KLHDC2: variants seen among roughly 807,000 people sequenced by gnomAD.
KLHDC2 encodes the protein kelch domain-containing protein 2.
In KLHDC2, 38 loss-of-function variants were observed where a neutral mutation model predicts 62.3. That is an observed-to-expected ratio of 0.61 (90% CI 0.47 to 0.80). The LOEUF (loss-of-function observed/expected upper bound fraction) is 0.80. KLHDC2 is among the 30% of genes least tolerant of loss of function. The probability of loss-of-function intolerance (pLI) is 0.00; values close to 1 mark genes in which losing one functional copy is unlikely to be tolerated. For synonymous variants in KLHDC2, 159 were observed against 161.0 expected (o/e 0.99, Z 0.09); for missense variants, 430 against 495.3 (o/e 0.87, Z 1.25).
chr14:49,785,311 A>ATTGT lies in KLHDC2; in HGVS notation c.*2359_*2360insTGTT. On this transcript the variant is annotated 3_prime_UTR_variant, in exon 13 of 13. Coordinates refer to ENST00000298307, the MANE Select transcript of KLHDC2 (RefSeq NM_014315.3). Reference sequence around the variant, plus strand: ...TGTGGCTGGCCTGTCAAAGAATCAAATAGGTTTTCCTAAAAAGGGAAAATA... The same window carrying ATTGT: ...TGTGGCTGGCCTGTCAAAGAATCAAATTGTTAGGTTTTCCTAAAAAGGGAAAATA... The ATTGT allele has an allele frequency of 1.2e-6, 2 of 1,613,538 alleles. No individual in the cohort carries two copies. The highest frequency in any genetic ancestry group is 1.7e-6 in the Non-Finnish European group (2 of 1,179,508).
At chr14:49,778,640 T>C (rs1889821881) in intron 6 of KLHDC2, 146 bp downstream of exon 6, 1 of 575,632 alleles carries the variant, frequency 1.7e-6, no homozygotes, top group Admixed American at 3.5e-5. Flanking sequence ...TCCATAACTT[T>C]AATGATTTCC....
At position 49,780,726 on chromosome 14, in the gene KLHDC2, A is replaced by T; in HGVS notation, c.907A>T (p.Ser303Cys). 4 of 1,609,358 alleles carry T rather than the reference A, an allele frequency of 2.5e-6. No homozygotes were observed. Among genetic ancestry groups the T allele is most frequent in the Non-Finnish European group, 3.4e-6 (4 of 1,175,660 alleles). ...AGGTGATGCCTGGACTTACTGCATC[A>T]GTAAAAATGAATGGATACAATTTAA... Reference protein sequence around the residue: ...PLSDAWTYCISKNEWIQFNHP... With the variant: ...PLSDAWTYCICKNEWIQFNHP... The change falls in exon 10 of 13, where the codon AGT (serine) becomes TGT (cysteine). Residue 303 changes from serine to cysteine, a missense_variant. Transcript: ENST00000298307.
chr14:49,768,725 G>C lies in KLHDC2; in HGVS notation c.153+104G>C, dbSNP rs182332158. Reference sequence around the variant, plus strand: ...GAGCGGGCCGCCGAGGGCGCTCCCCGCCTGCGTCGCGCGCCCCACCTCAGA... The same window carrying C: ...GAGCGGGCCGCCGAGGGCGCTCCCCCCCTGCGTCGCGCGCCCCACCTCAGA... On this transcript the variant is annotated intron_variant, in intron 1 of 12. Transcript: ENST00000298307. The C allele has an allele frequency of 6.2e-3, 6,850 of 1,111,194 alleles. 61 individuals are homozygous for C. Among genetic ancestry groups the C allele is most frequent in the South Asian group, 0.027 (1,560 of 57,616 alleles). The allele number at this position is 1,111,194 out of a possible 1,614,324, so 68.8% of individuals were successfully genotyped here.
At chr14:49,782,321 C>A in intron 10 of KLHDC2, 49 bp from the exon 11 acceptor site, 3 of 1,270,016 alleles carry the variant, frequency 2.4e-6, no homozygotes, top group South Asian at 2.5e-5. Flanking sequence ...TATAAAATGG[C>A]CAACTGGTGT....
In KLHDC2 at chr14:49,774,550, T is replaced by A. The variant is rs758679322; in HGVS notation, c.234-11T>A. On this transcript the variant is annotated splice_polypyrimidine_tract_variant and intron_variant, in intron 2 of 12. Transcript: ENST00000298307. ...CTTTAACTTACATACATTTAATTTA[T>A]TCCCCCTCAGGAAAAAAATCAACAC... 1.9e-6 allele frequency: 3 copies of A among 1,546,798 alleles called. No homozygotes were observed. In the African/African-American group the frequency reaches 4.1e-5, roughly 21 times the overall value.
At chr14:49,774,936 A>G (rs1161320773) in intron 3 of KLHDC2, 3 of 426,656 alleles carry the variant, frequency 7.0e-6, no homozygotes, top group East Asian at 4.5e-5. Context: ...TTTTGCAGCT[A>G]CTTGTTCTCT....
chr14:49,768,267 G>T lies in KLHDC2; in HGVS notation c.-202G>T, dbSNP rs943473575. ...GCTCGCGGCCCCTCTGTCTGCAGGC[G>T]TGCCCCGGCGGCGGCGGAGAGCCGT... is the stretch of plus-strand genomic sequence containing the variant. On this transcript the variant is annotated 5_prime_UTR_variant, in exon 1 of 13. Transcript: ENST00000298307. 2.1e-5 allele frequency: 11 copies of T among 518,496 alleles called. No homozygotes were observed. The highest frequency in any genetic ancestry group is 3.3e-5 in the Non-Finnish European group (10 of 305,186). 32.1% of individuals were successfully genotyped at this position (518,496 alleles called of 1,614,324 possible). A position where few individuals can be genotyped will look rare whatever the true frequency, so the allele number is the denominator to read the frequency against.
intron 1 of KLHDC2, chr14:49,768,845 AC>A (rs1373798101): frequency 2.0e-6 from 1 of 491,274 alleles, no homozygotes; most frequent in African/African-American, 2.1e-5. Flanking sequence ...CTGTCATGTC[AC>A]CCTGGTGCTC....
In KLHDC2 at chr14:49,771,667, G is replaced by A; in HGVS notation, c.227G>A (p.Gly76Glu). 6.8e-7 allele frequency: 1 copy of A among 1,481,044 alleles called. No homozygotes were observed. The highest frequency in any genetic ancestry group is 1.7e-4 in the Middle Eastern group (1 of 5,844). The allele number at this position is 1,481,044 out of a possible 1,614,324, so 91.7% of individuals were successfully genotyped here. A position where few individuals can be genotyped will look rare whatever the true frequency, so the allele number is the denominator to read the frequency against. ...CTATGGATCTACAACATGGAGACTG[G>A]AAGATGGTAAATGTGGATATTATAA... ...EELWIYNMET[G>E]RWKKINTEGD... is the part of the protein sequence containing the mutation. The change falls in exon 2 of 13, where the codon GGA becomes GAA. Residue 76 changes from glycine (G) to glutamate (E), a missense_variant. By Grantham distance (98) the Gly-to-Glu change is moderately conservative. Coordinates refer to ENST00000298307, the MANE Select transcript of KLHDC2 (RefSeq NM_014315.3).
intron 6 of KLHDC2, 61 bp downstream of exon 6, chr14:49,778,555 G>GGGGGT: frequency 3.0e-6 from 1 of 330,182 alleles, no homozygotes. Flanking sequence ...GAGGGGTGGG[G>GGGGGT]TAGGGGAGAG....
chr14:49,770,480 C>T (rs1889639922), intron 1 of KLHDC2, among the ~76,000 whole-genome samples: 1 of 152,160 alleles, frequency 6.6e-6, no homozygotes, highest in Non-Finnish European at 1.5e-5. Context: ...AATATTCAAG[C>T]TTGCTGGACT....
At chr14:49,779,239 T>TTG (rs1419128939) in intron 6 of KLHDC2, among the ~76,000 whole-genome samples, 16 of 152,214 alleles carry the variant, frequency 1.1e-4, no homozygotes. Context: ...AACTCTGCAC[T>TTG]ATACTGCAAT....
At chr14:49,774,276 A>G (rs958213535) in intron 2 of KLHDC2, among the ~76,000 whole-genome samples, 1 of 152,252 alleles carries the variant, frequency 6.6e-6, no homozygotes, top group Non-Finnish European at 1.5e-5. Context: ...TAGTCTGAGA[A>G]ACATAAAATG....
rs1240400133 is a variant in KLHDC2, at chr14:49,784,524, T to C, written c.*1571T>C. On this transcript the variant is annotated 3_prime_UTR_variant, in exon 13 of 13. Coordinates refer to ENST00000298307, the MANE Select transcript of KLHDC2 (RefSeq NM_014315.3). The stretch of plus-strand genomic sequence containing the variant: ...CCTTTTGGTGAATATAGCAAGGCAA[T>C]GTTTAGTTCATTTTTATAATGCGGA... 3 of 715,898 alleles carry C rather than the reference T, an allele frequency of 4.2e-6. No individual in the cohort carries two copies. The highest frequency in any genetic ancestry group is 3.6e-5 in the African/African-American group (2 of 56,206). 44.3% of individuals were successfully genotyped at this position (715,898 alleles called of 1,614,324 possible).
chr14:49,785,155 G>A lies in KLHDC2; in HGVS notation c.*2202G>A. The A allele has an allele frequency of 1.3e-6, 2 of 1,599,358 alleles. No individual in the cohort carries two copies. The highest frequency in any genetic ancestry group is 4.5e-5 in the East Asian group (2 of 44,780). ...TTATATCTTTAAAAAGGAATTACAT[G>A]TGTTACTAAATAGACGTTACAAAAC... is the stretch of plus-strand genomic sequence containing the variant. On this transcript the variant is annotated 3_prime_UTR_variant, in exon 13 of 13. Transcript: ENST00000298307.
At position 49,778,505 on chromosome 14, in the gene KLHDC2, A is replaced by T. The variant is rs777306124; in HGVS notation, c.633+11A>T. The T allele has an allele frequency of 7.3e-7, 1 of 1,367,292 alleles. No homozygotes were observed. The highest frequency in any genetic ancestry group is 1.0e-6 in the Non-Finnish European group (1 of 964,744). 84.7% of individuals were successfully genotyped at this position (1,367,292 alleles called of 1,614,324 possible). On this transcript the variant is annotated intron_variant, in intron 6 of 12. Coordinates refer to ENST00000298307, the MANE Select transcript of KLHDC2 (RefSeq NM_014315.3). ...CAGCCTATAACTACTGTGAGTTACTAAAGAATAATGAATTGTTAAGGATAC... is the reference window on the plus strand; with the variant it reads ...CAGCCTATAACTACTGTGAGTTACTTAAGAATAATGAATTGTTAAGGATAC...
rs1308098982 is a variant in KLHDC2 at position 49,779,590 on chromosome 14, A to G, written c.634-5A>G. The G allele has an allele frequency of 6.2e-7, 1 of 1,612,820 alleles. No homozygotes were observed. The highest frequency in any genetic ancestry group is 8.5e-7 in the Non-Finnish European group (1 of 1,178,968). On this transcript the variant is annotated splice_polypyrimidine_tract_variant and splice_region_variant and intron_variant, in intron 6 of 12. Transcript: ENST00000298307. The stretch of plus-strand genomic sequence containing the variant: ...TTCACTAACTTGCTTATGTGCCTCT[A>G]ATAGGGTAAAGCACCTTCACCTCGT...
chr14:49,768,410 TG>T lies in KLHDC2; in HGVS notation c.-58del, dbSNP rs1889588321. On this transcript the variant is annotated 5_prime_UTR_variant, in exon 1 of 13. Coordinates refer to ENST00000298307, the MANE Select transcript of KLHDC2 (RefSeq NM_014315.3). ...GCTGTGCATTTCTCTCCTTTTCCTT[TG>T]TTTTTTTGGCCCCTCGCGGGTGTGG... 6.4e-7 allele frequency: 1 copy of T among 1,565,184 alleles called. No homozygotes were observed. Among genetic ancestry groups the T allele is most frequent in the East Asian group, 2.4e-5 (1 of 41,854 alleles).
intron 2 of KLHDC2, among the ~76,000 whole-genome samples, 168 bp downstream of exon 2, chr14:49,771,841 C>A (rs767418524): frequency 3.9e-4 from 60 of 152,206 alleles, no homozygotes; most frequent in Non-Finnish European, 6.8e-4. Context: ...ATTAAAAATA[C>A]AAAAATTAGC....
Sources: allele counts gnomAD v4.1 joint callset (sites outside exome capture counted in the v4.1 genomes callset), GRCh38; gene constraint gnomAD v4.1.1; transcripts MANE v1.5; gene names NCBI Gene and HGNC (gene_info 2026-07-23, HGNC 2026-07-21).